CTCFL: variants seen among roughly 807,000 people sequenced by gnomAD.
The protein encoded by CTCFL is transcriptional repressor CTCFL.
A neutral mutation model predicts 67.4 loss-of-function variants in CTCFL; 36 were observed. The observed-to-expected ratio is 0.53, with a 90% CI of 0.41 to 0.71. CTCFL has a LOEUF of 0.71. Among genes scored for constraint, CTCFL ranks in the 30% least tolerant of loss-of-function variants. CTCFL has a pLI of 0.00. For missense variants in CTCFL, 786 were observed against 835.2 expected, an observed-to-expected ratio of 0.94 and a Z score of 0.73; for synonymous variants, 324 against 302.3, an observed-to-expected ratio of 1.07 and a Z score of -0.75.
intron 10 of CTCFL, 51 bp from the exon 11 acceptor site, chr20:57,498,752 G>C (rs1218476946): frequency 6.5e-7 from 1 of 1,530,328 alleles, no homozygotes; most frequent in Admixed American, 1.8e-5. Context: ...TAAGGAATTG[G>C]AATTTATAAA....
At chr20:57,502,864 T>TA (rs1288768247) in intron 10 of CTCFL, among the ~76,000 whole-genome samples, 1 of 152,212 alleles carries the variant, frequency 6.6e-6, no homozygotes, top group African/African-American at 2.4e-5. Flanking sequence ...AAAGAAGTTC[T>TA]AAATCCTAAA....
chr20:57,500,949 G>A (rs1218123392), intron 10 of CTCFL, among the ~76,000 whole-genome samples: 1 of 152,254 alleles, frequency 6.6e-6, no homozygotes, highest in Non-Finnish European at 1.5e-5. Context: ...CAGCGGGGAA[G>A]TCACGTTTCT....
At chr20:57,496,751 C>G (rs1049689911), downstream of CTCFL, among the ~76,000 whole-genome samples, 2 of 152,202 alleles carry the variant, frequency 1.3e-5, no homozygotes, top group Non-Finnish European at 2.9e-5. Context: ...CCTCAAGGTT[C>G]CCCCATGTTG....
At chr20:57,511,229 A>T (rs1168756398) in intron 8 of CTCFL, among the ~76,000 whole-genome samples, 1 of 150,390 alleles carries the variant, frequency 6.6e-6, no homozygotes, top group East Asian at 1.9e-4. Context: ...TTGTAGAGAC[A>T]GGGTCTCATT....
At position 57,519,189 on chromosome 20, in the gene CTCFL, C is replaced by G; in HGVS notation, c.925+18G>C. 1 of 1,611,946 alleles carries G rather than the reference C, an allele frequency of 6.2e-7. No homozygotes were observed. Among genetic ancestry groups the G allele is most frequent in the Non-Finnish European group, 8.5e-7 (1 of 1,178,330 alleles). On this transcript the variant is annotated intron_variant, in intron 4 of 10. Coordinates refer to ENST00000243914, the MANE Select transcript of CTCFL (RefSeq NM_001386993.1). ...AACACACATCATTCCAGAGAAACAG[C>G]CTTCCCGGCAGTTTTACCTGTGTGG... is the stretch of plus-strand genomic sequence containing the variant.
intron 9 of CTCFL, among the ~76,000 whole-genome samples, chr20:57,505,622 A>G (rs1389024064): frequency 1.3e-5 from 2 of 152,236 alleles, no homozygotes; most frequent in Non-Finnish European, 2.9e-5. Flanking sequence ...CCAAAAATTC[A>G]ATACATCAGT....
At chr20:57,503,384 A>G (rs2068016617) in intron 10 of CTCFL, 52 bp downstream of exon 10, 5 of 1,606,634 alleles carry the variant, frequency 3.1e-6, no homozygotes, top group Non-Finnish European at 4.3e-6. Context: ...CAGGATAGTC[A>G]CAACCAGAAA....
intron 9 of CTCFL, among the ~76,000 whole-genome samples, chr20:57,505,216 T>C (rs2068133059): frequency 6.6e-6 from 1 of 151,874 alleles, no homozygotes. Context: ...AAGTATTTTT[T>C]TTTAATAATA....
At chr20:57,507,150 T>G in intron 9 of CTCFL, 8 of 530,416 alleles carry the variant, frequency 1.5e-5, no homozygotes, top group Non-Finnish European at 2.0e-5. Flanking sequence ...CACTCGAGTG[T>G]GGGTGGGACT....
chr20:57,501,450 A>C (rs1280601526), intron 10 of CTCFL, among the ~76,000 whole-genome samples: 1 of 152,104 alleles, frequency 6.6e-6, no homozygotes, highest in Non-Finnish European at 1.5e-5. Flanking sequence ...TCAGAGTCAG[A>C]AGGGGCCTTA....
At chr20:57,502,636 A>T (rs2067979213) in intron 10 of CTCFL, among the ~76,000 whole-genome samples, 2 of 152,174 alleles carry the variant, frequency 1.3e-5, no homozygotes, top group Admixed American at 1.3e-4. Context: ...GAAGGTGAAC[A>T]GTGCAGGTGT....
In CTCFL at chr20:57,498,764, T is replaced by C. The variant is rs898205995; in HGVS notation, c.1841-63A>G. On this transcript the variant is annotated intron_variant, in intron 10 of 10. Transcript: ENST00000243914. ...AGCTAAGGAATTGGAATTTATAAAC[T>C]GTGCAAATATATTTTGGAAACCATC... The C allele has an allele frequency of 4.1e-6, 6 of 1,453,842 alleles. No homozygotes were observed. The African/African-American group carries it at 7.1e-5, about 17-fold the overall frequency. The allele number at this position is 1,453,842 out of a possible 1,614,324, so 90.1% of individuals were successfully genotyped here. A position where few individuals can be genotyped will look rare whatever the true frequency, so the allele number is the denominator to read the frequency against.
rs1405729334 is a variant in CTCFL, at chr20:57,498,470, A to G, written c.*80T>C. On this transcript the variant is annotated 3_prime_UTR_variant, in exon 11 of 11. Coordinates refer to ENST00000243914, the MANE Select transcript of CTCFL (RefSeq NM_001386993.1). ...CTCTCACTTATCCATCGTGTTGAGG[A>G]GCATTTCACACCTTAAATGCTAAAA... The G allele has an allele frequency of 2.0e-6, 3 of 1,535,236 alleles. No individual in the cohort carries two copies. Among genetic ancestry groups the G allele is most frequent in the Non-Finnish European group, 8.8e-7 (1 of 1,137,560 alleles).
intron 8 of CTCFL, 47 bp downstream of exon 8, chr20:57,512,545 A>G (rs1459373674): frequency 2.5e-6 from 4 of 1,586,780 alleles, no homozygotes; most frequent in Non-Finnish European, 3.4e-6. Flanking sequence ...CCAGCCCTCC[A>G]TTCTTCCATA....
chr20:57,519,116 C>A, intron 4 of CTCFL, 91 bp downstream of exon 4: 1 of 1,361,678 alleles, frequency 7.3e-7, no homozygotes, highest in South Asian at 1.4e-5. Flanking sequence ...AAATGTTACA[C>A]GATTCTACTG....
At chr20:57,509,069 G>A (rs945949210) in intron 8 of CTCFL, among the ~76,000 whole-genome samples, 6 of 152,174 alleles carry the variant, frequency 3.9e-5, no homozygotes, top group African/African-American at 1.4e-4. Context: ...ACCGCAGGGC[G>A]TGAAAGGATG....
Position 57,518,861 on chromosome 20 carries a change from T to C in CTCFL, c.956A>G (p.Asn319Ser), listed in dbSNP as rs1568877048. 6.2e-7 allele frequency: 1 copy of C among 1,614,070 alleles called. No individual in the cohort carries two copies. The highest frequency in any genetic ancestry group is 1.1e-5 in the South Asian group (1 of 91,070). Reference protein sequence around the residue: ...GTRPYKCNDCNMAFVTSGELV... With the variant: ...GTRPYKCNDCSMAFVTSGELV... ...TTCTCCACTGGTGACAAATGCCATG[T>C]TGCAGTCGTTACACTTGTAGGGCCT... The change falls in exon 5 of 11, where the codon AAC (asparagine) becomes AGC (serine). Residue 319 changes from asparagine (N) to serine (S), a missense_variant. Physicochemically the swap from Asn to Ser is conservative, Grantham distance 46. Around this residue, in one of 3 missense-constraint regions of CTCFL, gnomAD observed 254 missense variants for 333.9 expected, o/e 0.76. Transcript: ENST00000243914.
chr20:57,509,284 A>ATT (rs370517858), intron 8 of CTCFL, among the ~76,000 whole-genome samples: 18,957 of 134,602 alleles, frequency 0.14, 1,879 homozygotes, highest in Middle Eastern at 0.24. Flanking sequence ...CTTAATACCG[A>ATT]TTTTTTTTTT....
chr20:57,509,108 C>G (rs544319946), intron 8 of CTCFL, among the ~76,000 whole-genome samples: 1 of 152,256 alleles, frequency 6.6e-6, no homozygotes, highest in East Asian at 1.9e-4. Context: ...ACTGGGAGTC[C>G]TCCTTCTATA....
Sources: allele counts gnomAD v4.1 joint callset (sites outside exome capture counted in the v4.1 genomes callset), GRCh38; gene constraint gnomAD v4.1.1; regional missense constraint gnomAD v4.1.1; transcripts MANE v1.5; gene names NCBI Gene and HGNC (gene_info 2026-07-23, HGNC 2026-07-21).